The following USP34 variants were observed in gnomAD, a reference collection of about 807,000 sequenced individuals.
USP34 encodes the protein ubiquitin carboxyl-terminal hydrolase 34.
USP34 carries 70 observed loss-of-function variants against 460.3 expected under a neutral mutation model. The ratio of observed to expected loss-of-function variants is 0.15; its 90% CI spans 0.13 to 0.19. The LOEUF is 0.19. Ranked by LOEUF, USP34 falls within the 10% of genes least tolerant of loss-of-function variation. The probability of loss-of-function intolerance (pLI) is 1.00; values close to 1 mark genes in which losing one functional copy is unlikely to be tolerated. For missense variants in USP34, 3,985 were observed against 4,236.2 expected, an observed-to-expected ratio of 0.94 and a Z score of 1.65; for synonymous variants, 1,647 against 1,405.3, an observed-to-expected ratio of 1.17 and a Z score of -3.85.
intron 1 of USP34, among the ~76,000 whole-genome samples, chr2:61,444,668 A>G (rs1436593308): frequency 6.6e-6 from 1 of 152,178 alleles, no homozygotes; most frequent in East Asian, 1.9e-4. Flanking sequence ...GATGCACATT[A>G]AAGGGCTAGG....
chr2:61,202,157 C>G (rs1037750012), intron 75 of USP34, among the ~76,000 whole-genome samples: 8 of 152,196 alleles, frequency 5.3e-5, no homozygotes, highest in African/African-American at 2.4e-5. Flanking sequence ...TTACCACTTT[C>G]TTCTTCTTGG....
At chr2:61,378,267 C>G in intron 8 of USP34, 96 bp downstream of exon 8, 1 of 886,876 alleles carries the variant, frequency 1.1e-6, no homozygotes, top group Non-Finnish European at 1.7e-6. Flanking sequence ...CAAAGAATTT[C>G]TAGTAAAAAT....
chr2:61,380,446 A>G, intron 6 of USP34, 85 bp from the exon 7 acceptor site: 1 of 1,382,408 alleles, frequency 7.2e-7, no homozygotes, highest in Non-Finnish European at 9.7e-7. Flanking sequence ...GTACATTGTA[A>G]GCATTAACAT....
At chr2:61,233,522 A>T (rs1276367002) in intron 57 of USP34, among the ~76,000 whole-genome samples, 1 of 152,178 alleles carries the variant, frequency 6.6e-6, no homozygotes, top group Non-Finnish European at 1.5e-5. Context: ...TGGGTATTAG[A>T]TGACAAGAAT....
chr2:61,397,440 C>CT (rs1553382848), intron 3 of USP34, among the ~76,000 whole-genome samples: 2 of 96,878 alleles, frequency 2.1e-5, no homozygotes. Context: ...GAGGCTCCAT[C>CT]TAAAAAAAAA....
chr2:61,380,417 C>A, intron 6 of USP34, 56 bp from the exon 7 acceptor site: 2 of 1,522,156 alleles, frequency 1.3e-6, no homozygotes, highest in Non-Finnish European at 1.8e-6. Context: ...TTTTTAAAGA[C>A]CACTCAGTAA....
chr2:61,399,634 A>AGGCTGAG (rs1164592392), intron 3 of USP34, among the ~76,000 whole-genome samples: 2 of 152,048 alleles, frequency 1.3e-5, no homozygotes, highest in African/African-American at 4.8e-5. Flanking sequence ...GCACTTTGGG[A>AGGCTGAG]GGCTGAGGCA....
intron 41 of USP34, among the ~76,000 whole-genome samples, chr2:61,271,433 T>A (rs1301745221): frequency 6.6e-6 from 1 of 152,198 alleles, no homozygotes; most frequent in Non-Finnish European, 1.5e-5. Context: ...ACACGCAAAT[T>A]TTGCATAAGA....
Position 61,331,367 on chromosome 2 carries a change from C to T in USP34, c.2839G>A (p.Ala947Thr). ...SYDTHWITMW[A>T]EKELNMMKLF... ...TTCATCATGTTCAGTTCTTTTTCTG[C>T]CCACCTGGCCCAAATAAAAGAAAAA... The change falls in exon 20 of 80, where the codon GCA (alanine) becomes ACA (threonine). Residue 947 changes from alanine to threonine, a missense_variant. Coordinates refer to ENST00000398571, the MANE Select transcript of USP34 (RefSeq NM_014709.4). The T allele has an allele frequency of 6.2e-7, 1 of 1,608,562 alleles. No homozygotes were observed. The highest frequency in any genetic ancestry group is 1.3e-5 in the African/African-American group (1 of 74,828).
chr2:61,222,862 G>GA, intron 64 of USP34, 198 bp downstream of exon 64: 2 of 684,172 alleles, frequency 2.9e-6, no homozygotes, highest in Non-Finnish European at 4.9e-6. Context: ...CACCCGGCTA[G>GA]ATTTTTCTAT....
intron 76 of USP34, 61 bp downstream of exon 76, chr2:61,192,840 A>C (rs1686682068): frequency 3.5e-6 from 5 of 1,439,364 alleles, no homozygotes; most frequent in Middle Eastern, 1.8e-4. Flanking sequence ...TGTTCCTAAA[A>C]TTATTGACCA....
chr2:61,205,441 T>A (rs1185349406), intron 72 of USP34, among the ~76,000 whole-genome samples: 1 of 152,164 alleles, frequency 6.6e-6, no homozygotes, highest in Non-Finnish European at 1.5e-5. Flanking sequence ...TGCTTATATA[T>A]GACAGCCAGT....
chr2:61,370,239 G>T, intron 10 of USP34, 82 bp downstream of exon 10: 2 of 1,421,268 alleles, frequency 1.4e-6, no homozygotes, highest in Non-Finnish European at 1.9e-6. Context: ...TATAAAACAG[G>T]ATAATAGAAT....
chr2:61,316,672 G>A (rs1023316481), intron 23 of USP34, among the ~76,000 whole-genome samples: 3 of 151,930 alleles, frequency 2.0e-5, no homozygotes, highest in South Asian at 4.2e-4. Context: ...ATCACCTGAC[G>A]TCAGGAGCTC....
At chr2:61,293,635 A>G in intron 32 of USP34, 85 bp from the exon 33 acceptor site, 2 of 916,890 alleles carry the variant, frequency 2.2e-6, no homozygotes, top group Non-Finnish European at 3.4e-6. Flanking sequence ...TGGATATGTA[A>G]AATATTACGT....
chr2:61,283,137 T>C lies in USP34; in HGVS notation c.4998+8A>G, dbSNP rs887407289. On this transcript the variant is annotated splice_region_variant and intron_variant, in intron 37 of 79. Coordinates refer to ENST00000398571, the MANE Select transcript of USP34 (RefSeq NM_014709.4). ...AATAACAGTACTAACCTTCAATCTT[T>C]ATCTTACCTCAGGAATAAGGAGAGT... The C allele has an allele frequency of 1.2e-5, 19 of 1,612,346 alleles. 1 individual carries two copies. The Admixed American group carries it at 2.8e-4, about 24-fold the overall frequency.
At chr2:61,316,711 C>G (rs947508044) in intron 23 of USP34, among the ~76,000 whole-genome samples, 6 of 152,020 alleles carry the variant, frequency 3.9e-5, no homozygotes, top group African/African-American at 1.4e-4. Flanking sequence ...ATGGTGAAAC[C>G]CCACCTATAC....
At chr2:61,349,942 T>C (rs1352976079) in intron 12 of USP34, among the ~76,000 whole-genome samples, 3 of 152,008 alleles carry the variant, frequency 2.0e-5, no homozygotes, top group Admixed American at 2.0e-4. Flanking sequence ...ACTGAATCAT[T>C]ATGTTCTACT....
chr2:61,273,647 G>C (rs1029351854), intron 41 of USP34, among the ~76,000 whole-genome samples: 3 of 151,956 alleles, frequency 2.0e-5, no homozygotes, highest in Admixed American at 6.6e-5. Flanking sequence ...GAACCTGGAG[G>C]GCAGAGGTTA....
Sources: gnomAD v4.1 joint callset for allele counts (sites outside exome capture counted in the v4.1 genomes callset) on GRCh38, gnomAD v4.1.1 for gene constraint, MANE v1.5 for transcripts, NCBI Gene and HGNC (gene_info 2026-07-23, HGNC 2026-07-21) for gene names.